PCDH15: variants seen among roughly 807,000 people sequenced by gnomAD.
PCDH15 encodes the protein protocadherin-15.
Under a neutral mutation model 178.5 loss-of-function variants are expected in PCDH15, and 129 were observed. That is an observed-to-expected ratio of 0.72 (90% confidence interval 0.63 to 0.84). The LOEUF (loss-of-function observed/expected upper bound fraction) is 0.84. PCDH15 is among the 40% of genes least tolerant of loss of function. The pLI is 0.00. For missense variants in PCDH15, 2,230 were observed against 2,099.9 expected (o/e 1.06, Z -1.21); for synonymous variants, 800 against 732.0 (o/e 1.09, Z -1.50).
intron 2 of PCDH15, among the ~76,000 whole-genome samples, chr10:55,125,185 G>GTGTGTGTT (rs1283656450): frequency 1.3e-5 from 2 of 151,480 alleles, no homozygotes; most frequent in African/African-American, 4.9e-5. Flanking sequence ...GTGTGTGTGT[G>GTGTGTGTT]TGTGTGTGTA....
chr10:54,806,179 T>C (rs1318234415), upstream of PCDH15, among the ~76,000 whole-genome samples: 1 of 152,230 alleles, frequency 6.6e-6, no homozygotes, highest in Non-Finnish European at 1.5e-5. Flanking sequence ...CTTTACAAAA[T>C]AGTTTAATTG....
chr10:53,962,483 A>T (rs1247662160), intron 21 of PCDH15, among the ~76,000 whole-genome samples: 3 of 152,210 alleles, frequency 2.0e-5, no homozygotes, highest in African/African-American at 7.2e-5. Context: ...GTATTTCTAT[A>T]CATCATTAGG....
chr10:53,821,987 T>G (rs1464143081), intron 32 of PCDH15: 1 of 1,613,992 alleles, frequency 6.2e-7, no homozygotes, highest in Non-Finnish European at 8.5e-7. Flanking sequence ...TTTGAAGTTC[T>G]GAAACATTTG....
Position 54,457,883 on chromosome 10 carries a change from G to T in PCDH15, c.157+69929C>A, listed in dbSNP as rs1170564528. On this transcript the variant is annotated intron_variant, in intron 3 of 37. Coordinates refer to ENST00000644397, the MANE Select transcript of PCDH15 (RefSeq NM_001384140.1). ...TACTCTGCATTCAGCACTGTTTTAT[G>T]CCCAAACATAATACAATATTCCTGT... is the stretch of plus-strand genomic sequence containing the variant. Among the ~76,000 whole-genome samples, 3 of 152,194 alleles carry T rather than the reference G, an allele frequency of 2.0e-5. No homozygotes were observed. In the East Asian group the frequency reaches 5.8e-4, roughly 29 times the overall value.
At chr10:54,847,558 C>T (rs993736097) in intron 3 of PCDH15, among the ~76,000 whole-genome samples, 4 of 151,934 alleles carry the variant, frequency 2.6e-5, no homozygotes, top group African/African-American at 9.7e-5. Context: ...TATAATTTAC[C>T]TGGAATTAAA....
intron 1 of PCDH15, among the ~76,000 whole-genome samples, chr10:55,271,275 C>G (rs12770835): frequency 0.06 from 9,072 of 151,854 alleles, 309 homozygotes; most frequent in Middle Eastern, 0.13. Context: ...TTAAAAAAGA[C>G]AAAAAGAAAA....
At position 54,317,824 on chromosome 10, in the gene PCDH15, G is replaced by GAA. The variant is rs34865951; in HGVS notation, c.706-385_706-384dup. 1.9e-3 allele frequency among the ~76,000 whole-genome samples: 283 copies of GAA among 148,068 alleles called. 1 individual carries two copies. Among genetic ancestry groups the GAA allele is most frequent in the African/African-American group, 4.6e-3 (187 of 40,474 alleles). On this transcript the variant is annotated intron_variant, in intron 7 of 37. Coordinates refer to ENST00000644397, the MANE Select transcript of PCDH15 (RefSeq NM_001384140.1). ...GCACAATGTAGACTTAGTTTTCATT[G>GAA]AAAAAAAAAAGATTGGTAAATTAAC...
intron 3 of PCDH15, among the ~76,000 whole-genome samples, chr10:54,459,021 G>A (rs1019971776): frequency 6.6e-6 from 1 of 152,066 alleles, no homozygotes; most frequent in Non-Finnish European, 1.5e-5. Context: ...CCATGTCTGC[G>A]TGGGTTTTCT....
chr10:53,835,321 C>A (rs1418715223), intron 29 of PCDH15, among the ~76,000 whole-genome samples: 1 of 152,074 alleles, frequency 6.6e-6, no homozygotes, highest in East Asian at 1.9e-4. Context: ...TTTAAATAGG[C>A]TGGATATAAG....
chr10:54,434,411 G>A (rs1205120034), intron 3 of PCDH15, among the ~76,000 whole-genome samples: 1 of 152,044 alleles, frequency 6.6e-6, no homozygotes, highest in African/African-American at 2.4e-5. Flanking sequence ...GCCTTGCATT[G>A]GTGTACCACT....
At chr10:54,704,367 T>G (rs2095344505) in intron 1 of PCDH15, among the ~76,000 whole-genome samples, 1 of 152,100 alleles carries the variant, frequency 6.6e-6, no homozygotes, top group East Asian at 1.9e-4. Flanking sequence ...CAGACTTTGA[T>G]AGTGTAAACC....
intron 2 of PCDH15, among the ~76,000 whole-genome samples, chr10:54,637,539 C>T (rs934350195): frequency 6.6e-6 from 1 of 152,016 alleles, no homozygotes; most frequent in African/African-American, 2.4e-5. Context: ...ACAACACGCA[C>T]TTATTCCATA....
intron 2 of PCDH15, among the ~76,000 whole-genome samples, chr10:54,577,325 C>G (rs1003772863): frequency 1.1e-4 from 17 of 151,522 alleles, no homozygotes; most frequent in African/African-American, 3.6e-4. Flanking sequence ...ATCTCCTGAC[C>G]TTACAATACA....
intron 2 of PCDH15, among the ~76,000 whole-genome samples, chr10:54,573,368 T>G (rs1297162414): frequency 6.6e-6 from 1 of 152,152 alleles, no homozygotes; most frequent in Admixed American, 6.5e-5. Flanking sequence ...TTTTTAAATT[T>G]TATCTCTCCT....
At chr10:54,016,720 G>C (rs2092752531) in intron 20 of PCDH15, among the ~76,000 whole-genome samples, 1 of 152,104 alleles carries the variant, frequency 6.6e-6, no homozygotes, top group African/African-American at 2.4e-5. Context: ...ACATACATTG[G>C]GGGCTGCTTG....
intron 1 of PCDH15, among the ~76,000 whole-genome samples, chr10:54,712,665 C>T (rs2095438333): frequency 2.0e-5 from 3 of 151,998 alleles, no homozygotes; most frequent in Admixed American, 1.3e-4. Context: ...TAATTTAGTT[C>T]ATATAGCCAC....
intron 2 of PCDH15, among the ~76,000 whole-genome samples, chr10:54,583,556 G>A (rs2091223255): frequency 2.0e-5 from 3 of 151,996 alleles, no homozygotes; most frequent in Non-Finnish European, 4.4e-5. Context: ...CTATGGATGG[G>A]AAGGGATACA....
intron 2 of PCDH15, among the ~76,000 whole-genome samples, chr10:55,590,198 T>G (rs562000550): frequency 2.2e-3 from 325 of 151,094 alleles, no homozygotes; most frequent in African/African-American, 7.7e-3. Context: ...TCATTCTCAG[T>G]AAACTATCAC....
intron 28 of PCDH15, among the ~76,000 whole-genome samples, chr10:53,854,355 C>G (rs185154496): frequency 1.8e-3 from 272 of 152,104 alleles, no homozygotes; most frequent in Non-Finnish European, 3.2e-3. Flanking sequence ...TGTCAATATA[C>G]TTAAAACTAC....
Sources: gnomAD v4.1 joint callset for allele counts (sites outside exome capture counted in the v4.1 genomes callset) on GRCh38, gnomAD v4.1.1 for gene constraint, MANE v1.5 for transcripts, NCBI Gene and HGNC (gene_info 2026-07-23, HGNC 2026-07-21) for gene names.